The following SSUH2 variants were observed in gnomAD, a reference collection of about 807,000 sequenced individuals.
SSUH2 encodes protein SSUH2 homolog.
SSUH2 carries 47 observed loss-of-function variants against 55.3 expected under a neutral mutation model. That is an observed-to-expected ratio of 0.85 (90% confidence interval 0.67 to 1.08). The LOEUF (loss-of-function observed/expected upper bound fraction) is 1.08, where lower values mean the gene tolerates loss of function less well. Ranked by LOEUF, SSUH2 falls within the 50% of genes least tolerant of loss-of-function variation. The pLI, the probability that SSUH2 is intolerant of heterozygous loss-of-function variation, is 0.00. For synonymous variants in SSUH2, 212 were observed against 191.5 expected (o/e 1.11, Z -0.89); for missense variants, 535 against 490.7 (o/e 1.09, Z -0.85).
At chr3:8,640,080 A>G (rs911640552) in intron 1 of SSUH2, 114 of 796,634 alleles carry the variant, frequency 1.4e-4, no homozygotes, top group Non-Finnish European at 1.6e-4. Context: ...CTGTGGGGAG[A>G]AGGGAATAAG....
chr3:8,638,068 C>A (rs1700218009), intron 1 of SSUH2, among the ~76,000 whole-genome samples: 1 of 152,188 alleles, frequency 6.6e-6, no homozygotes, highest in South Asian at 2.1e-4. Flanking sequence ...GACTTAGACA[C>A]TCACCTGTGT....
At chr3:8,640,480 T>A (rs1023043047) in intron 1 of SSUH2, among the ~76,000 whole-genome samples, 2 of 152,152 alleles carry the variant, frequency 1.3e-5, no homozygotes, top group African/African-American at 4.8e-5. Context: ...CTACATTAGA[T>A]GCCCTTACCC....
chr3:8,633,750 G>A lies in SSUH2; in HGVS notation c.255C>T (p.Ser85=). The change falls in exon 4 of 12, where the codon AGC becomes AGT. Residue 85 remains serine, a synonymous_variant. Transcript: ENST00000544814. ...TGTAGCAGCACTTAGAGTCCACAAA[G>A]CTGAGGAGGGCTTCCCGGGCCACCT... ...TEEVAREALL[S]FVDSKCCYSS... is the part of the protein sequence containing the mutation. The A allele has an allele frequency of 6.2e-7, 1 of 1,609,370 alleles. No homozygotes were observed. Among genetic ancestry groups the A allele is most frequent in the Non-Finnish European group, 8.5e-7 (1 of 1,177,496 alleles).
upstream of SSUH2, among the ~76,000 whole-genome samples, chr3:8,646,891 T>C (rs893497138): frequency 6.6e-6 from 1 of 152,200 alleles, no homozygotes; most frequent in Non-Finnish European, 1.5e-5. Context: ...TGGAAATGAG[T>C]GGGCTCTGAG....
rs1559329223 is a variant in SSUH2, at chr3:8,629,664, C to T, written c.588G>A (p.Thr196=). 8 of 1,613,596 alleles carry T rather than the reference C, an allele frequency of 5.0e-6. No homozygotes were observed. Among genetic ancestry groups the T allele is most frequent in the African/African-American group, 1.3e-5 (1 of 74,896 alleles). ...YKCSGCHGAG[T]VRCPSCCGAK... Reference sequence around the variant, plus strand: ...CACCAGTGGTTCACAGATGACTCACCGTGCCCGCCCCGTGGCAGCCGCTGC... The same window carrying T: ...CACCAGTGGTTCACAGATGACTCACTGTGCCCGCCCCGTGGCAGCCGCTGC... The change falls in exon 7 of 12, where the codon ACG becomes ACA. Residue 196 remains threonine (T), a splice_region_variant and synonymous_variant. Transcript: ENST00000544814.
chr3:8,650,460 T>C (rs919125635), intron 7 of SSUH2, among the ~76,000 whole-genome samples: 3 of 152,236 alleles, frequency 2.0e-5, no homozygotes, highest in Non-Finnish European at 4.4e-5. Context: ...TATATTCTTA[T>C]GCAGGGACTT....
chr3:8,637,077 T>G (rs1469941536), intron 1 of SSUH2, among the ~76,000 whole-genome samples: 2 of 152,182 alleles, frequency 1.3e-5, no homozygotes, highest in African/African-American at 4.8e-5. Flanking sequence ...CATCAAATTT[T>G]GAATATGGGT....
chr3:8,632,580 C>A (rs2125169234), intron 4 of SSUH2, among the ~76,000 whole-genome samples: 1 of 152,334 alleles, frequency 6.6e-6, no homozygotes, highest in South Asian at 2.1e-4. Flanking sequence ...GAAATGGAGG[C>A]TCAGAGAGGT....
upstream of SSUH2, chr3:8,644,870 G>T: frequency 1.2e-6 from 1 of 868,318 alleles, no homozygotes; most frequent in South Asian, 1.4e-5. Context: ...TTGTTACCCA[G>T]TTGGAATACA....
chr3:8,653,544 T>TTATTTTATA (rs1702643086), intron 7 of SSUH2, among the ~76,000 whole-genome samples: 1 of 152,242 alleles, frequency 6.6e-6, no homozygotes, highest in South Asian at 2.1e-4. Flanking sequence ...ATACACAGTT[T>TTATTTTATA]TACCTTGTTC....
chr3:8,620,513 C>G (rs1235435177), intron 11 of SSUH2, among the ~76,000 whole-genome samples: 1 of 152,188 alleles, frequency 6.6e-6, no homozygotes, highest in Non-Finnish European at 1.5e-5. Flanking sequence ...CATTCTAAAC[C>G]CTGCTACAAT....
At position 8,621,689 on chromosome 3, in the gene SSUH2, G is replaced by A. The variant is rs568254849; in HGVS notation, c.982-1675C>T. The stretch of plus-strand genomic sequence containing the variant: ...TGTTGAGACAACCAGATAAGACCCC[G>A]GTGACTGAGTTTTCTTCATATGCCA... On this transcript the variant is annotated intron_variant, in intron 11 of 11. Coordinates refer to ENST00000544814, the MANE Select transcript of SSUH2 (RefSeq NM_001256748.3). 7.2e-5 allele frequency among the ~76,000 whole-genome samples: 11 copies of A among 152,210 alleles called. No individual in the cohort carries two copies. In the South Asian group the frequency reaches 1.7e-3, roughly 23 times the overall value.
At chr3:8,638,839 C>G (rs1010900303) in intron 1 of SSUH2, among the ~76,000 whole-genome samples, 4 of 152,224 alleles carry the variant, frequency 2.6e-5, no homozygotes, top group Non-Finnish European at 5.9e-5. Context: ...GATGGCCCCC[C>G]ACCCACCCAC....
chr3:8,625,431 C>G (rs1697324176), intron 10 of SSUH2, 111 bp downstream of exon 10: 5 of 675,844 alleles, frequency 7.4e-6, no homozygotes, highest in African/African-American at 3.6e-5. Flanking sequence ...TGCTCCTACA[C>G]AACCTGTCCT....
At chr3:8,668,050 A>T (rs1372754833) in intron 5 of SSUH2, among the ~76,000 whole-genome samples, 1 of 152,184 alleles carries the variant, frequency 6.6e-6, no homozygotes, top group Non-Finnish European at 1.5e-5. Flanking sequence ...TTTAAAAAAA[A>T]TTAAATTAAC....
intron 7 of SSUH2, 126 bp from the exon 8 acceptor site, chr3:8,627,909 G>T: frequency 1.5e-6 from 1 of 658,118 alleles, no homozygotes; most frequent in Non-Finnish European, 2.4e-6. Flanking sequence ...CCCTTCATCT[G>T]TAAAATGGTG....
At position 8,650,158 on chromosome 3, in the gene SSUH2, T is replaced by C. The variant is rs1411253501; in HGVS notation, c.-307+8767A>G. Among the ~76,000 whole-genome samples the C allele has an allele frequency of 2.0e-5, 3 of 152,184 alleles. No homozygotes were observed. In the East Asian group the frequency reaches 5.8e-4, roughly 29 times the overall value. On this transcript the variant is annotated intron_variant, in intron 7 of 18. Coordinates refer to the SSUH2 transcript ENST00000317371. ...GTCACTCTCCCAGGGAGGCTGTCCC[T>C]GGCCCCTATTTAAAATTGAACACCC...
intron 1 of SSUH2, among the ~76,000 whole-genome samples, chr3:8,638,446 A>T (rs1032486666): frequency 2.6e-5 from 4 of 152,218 alleles, no homozygotes; most frequent in Non-Finnish European, 4.4e-5. Flanking sequence ...GTGCCTTTGT[A>T]AGCAAGAAAA....
chr3:8,665,887 C>A (rs1008499711), intron 5 of SSUH2, among the ~76,000 whole-genome samples: 1 of 152,224 alleles, frequency 6.6e-6, no homozygotes, highest in East Asian at 1.9e-4. Context: ...TCATTTTCAA[C>A]ATCAAAGTTG....
Sources: allele counts gnomAD v4.1 joint callset (sites outside exome capture counted in the v4.1 genomes callset), GRCh38; gene constraint gnomAD v4.1.1; transcripts MANE v1.5; gene names NCBI Gene and HGNC (gene_info 2026-07-23, HGNC 2026-07-21).